Variants in TXNRD2 observed in about 807,000 individuals in gnomAD.
TXNRD2 encodes the protein thioredoxin reductase 2, mitochondrial.
Under a neutral mutation model 70.8 loss-of-function variants are expected in TXNRD2, and 67 were observed. The observed-to-expected ratio is 0.95, with a 90% confidence interval of 0.78 to 1.16. The LOEUF (loss-of-function observed/expected upper bound fraction) is 1.16. Ranked by LOEUF, TXNRD2 falls within the 50% of genes most tolerant of loss-of-function variation. TXNRD2 has a pLI of 0.00. For synonymous variants in TXNRD2, 301 were observed against 295.8 expected (o/e 1.02, Z -0.18); for missense variants, 644 against 719.9 (o/e 0.89, Z 1.21).
Position 19,883,330 on chromosome 22 carries a change from C to T in TXNRD2, c.1081G>A (p.Val361Met). 1.2e-6 allele frequency: 2 copies of T among 1,613,700 alleles called. No homozygotes were observed. Among genetic ancestry groups the T allele is most frequent in the South Asian group, 2.2e-5 (2 of 91,082 alleles). ...VPHIYAIGDV[V>M]EGRPELTPIA... ...TCCCGGGACGCATGCCGTACCTCCA[C>T]CACGTCACCAATGGCGTAGATGTGG... is the stretch of plus-strand genomic sequence containing the variant. The change falls in exon 12 of 18, where the codon GTG becomes ATG. Residue 361 changes from valine to methionine, a missense_variant. Val to Met is a conservative substitution (Grantham distance 21). Transcript: ENST00000400521.
At chr22:19,933,713 C>A (rs902491485) in intron 1 of TXNRD2, among the ~76,000 whole-genome samples, 4 of 152,174 alleles carry the variant, frequency 2.6e-5, no homozygotes, top group African/African-American at 7.2e-5. Context: ...GAAGGAAGGA[C>A]CCCAAAGTAC....
intron 8 of TXNRD2, among the ~76,000 whole-genome samples, chr22:19,901,061 G>T (rs1355972381): frequency 6.6e-6 from 1 of 152,224 alleles, no homozygotes; most frequent in Non-Finnish European, 1.5e-5. Context: ...TGGGGGCCAG[G>T]CTGCTCTCCG....
intron 8 of TXNRD2, among the ~76,000 whole-genome samples, chr22:19,900,404 A>G (rs535140064): frequency 1.3e-5 from 2 of 152,364 alleles, no homozygotes; most frequent in East Asian, 3.9e-4. Context: ...TGGCGAAACC[A>G]AACTCTTTTT....
At chr22:19,915,425 G>T (rs1026408997) in intron 6 of TXNRD2, 149 bp from the exon 7 acceptor site, 1 of 823,602 alleles carries the variant, frequency 1.2e-6, no homozygotes, top group Non-Finnish European at 2.1e-6. Flanking sequence ...AGGCCCTATG[G>T]AGCTGGAATC....
chr22:19,938,643 C>T (rs1419023504), intron 1 of TXNRD2, among the ~76,000 whole-genome samples: 2 of 152,182 alleles, frequency 1.3e-5, no homozygotes, highest in Admixed American at 6.5e-5. Context: ...CAAAAGGGAA[C>T]AATTCAGCCT....
At chr22:19,933,304 G>C in intron 1 of TXNRD2, 1 of 483,378 alleles carries the variant, frequency 2.1e-6, no homozygotes, top group Non-Finnish European at 3.8e-6. Flanking sequence ...TATAAGTCTA[G>C]AGAACCAAGG....
At chr22:19,904,790 C>G (rs1039892997) in intron 8 of TXNRD2, among the ~76,000 whole-genome samples, 3 of 152,166 alleles carry the variant, frequency 2.0e-5, no homozygotes, top group African/African-American at 7.2e-5. Context: ...CACTGTGATG[C>G]CAGGCACCGT....
Position 19,895,568 on chromosome 22 carries a change from A to G in TXNRD2, c.788T>C (p.Met263Thr). The G allele has an allele frequency of 6.2e-7, 1 of 1,612,036 alleles. No homozygotes were observed. Among genetic ancestry groups the G allele is most frequent in the Non-Finnish European group, 8.5e-7 (1 of 1,180,016 alleles). The change falls in exon 11 of 18, where the codon ATG (methionine) becomes ACG (threonine). Residue 263 changes from methionine to threonine, a missense_variant. Met to Thr is a moderately conservative substitution (Grantham distance 81). Transcript: ENST00000400521. Reference sequence around the variant, plus strand: ...ATGAGATGCCATGTGCTCTATGACCATGGAGGACATTTGCTGCAAAGCACA... The same window carrying G: ...ATGAGATGCCATGTGCTCTATGACCGTGGAGGACATTTGCTGCAAAGCACA... ...LRGFDQQMSS[M>T]VIEHMASHGT...
At chr22:19,919,511 A>G (rs1279293043) in intron 3 of TXNRD2, 32 bp downstream of exon 3, 2 of 1,552,160 alleles carry the variant, frequency 1.3e-6, no homozygotes, top group Non-Finnish European at 1.7e-6. Flanking sequence ...CTCCTTCCCC[A>G]GGACACCCGG....
rs541634433 is a variant in TXNRD2, at chr22:19,911,365, C to T, written c.662+12G>A. On this transcript the variant is annotated intron_variant, in intron 8 of 17. Coordinates refer to ENST00000400521, the MANE Select transcript of TXNRD2 (RefSeq NM_006440.5). ...CAAAAAGAGGACCCCACCAAGCACG[C>T]GCAGGCCTTACGTTTTTCCAGGGGA... The T allele has an allele frequency of 3.1e-6, 5 of 1,611,456 alleles. No homozygotes were observed. The African/African-American group carries it at 4.0e-5, about 13-fold the overall frequency.
chr22:19,917,303 G>C (rs1428209784), intron 5 of TXNRD2, among the ~76,000 whole-genome samples: 1 of 152,194 alleles, frequency 6.6e-6, no homozygotes. Context: ...GAGCCCCACA[G>C]AGAAACACAG....
chr22:19,931,506 G>C (rs780402226), intron 1 of TXNRD2, among the ~76,000 whole-genome samples: 1 of 152,072 alleles, frequency 6.6e-6, no homozygotes, highest in African/African-American at 2.4e-5. Flanking sequence ...GAAGGAACAC[G>C]GTCAGCACAG....
At chr22:19,889,906 G>GT (rs1939191202) in intron 11 of TXNRD2, among the ~76,000 whole-genome samples, 1 of 117,766 alleles carries the variant, frequency 8.5e-6, no homozygotes, top group African/African-American at 2.5e-5. Context: ...TCACCATGTT[G>GT]TTCTTTTTTT....
intron 11 of TXNRD2, chr22:19,884,282 G>A (rs1441736624): frequency 6.6e-6 from 1 of 152,330 alleles, no homozygotes; most frequent in Non-Finnish European, 1.5e-5. Context: ...CGGCACAGGA[G>A]ACAAGGCAGG....
intron 8 of TXNRD2, among the ~76,000 whole-genome samples, chr22:19,905,211 C>A (rs534037191): frequency 2.0e-5 from 3 of 152,274 alleles, no homozygotes; most frequent in East Asian, 3.9e-4. Flanking sequence ...TTTAAAAAAA[C>A]CATTTCCTCA....
At chr22:19,878,069 C>A (rs1274275400) in intron 16 of TXNRD2, 21 bp downstream of exon 16, 1 of 1,605,408 alleles carries the variant, frequency 6.2e-7, no homozygotes, top group Non-Finnish European at 8.5e-7. Flanking sequence ...CGCATCGCAG[C>A]CTGCATTCCT....
chr22:19,904,314 C>T (rs556652444), intron 8 of TXNRD2, among the ~76,000 whole-genome samples: 1 of 152,354 alleles, frequency 6.6e-6, no homozygotes, highest in South Asian at 2.1e-4. Flanking sequence ...ACAGGTATGG[C>T]CCCATTTTGC....
intron 1 of TXNRD2, chr22:19,933,575 G>A: frequency 8.2e-7 from 1 of 1,224,788 alleles, no homozygotes; most frequent in Non-Finnish European, 1.1e-6. Context: ...CTTATCTTGG[G>A]CAGCTTGCTC....
chr22:19,915,745 C>A lies in TXNRD2; in HGVS notation c.528+20G>T. The A allele has an allele frequency of 1.2e-6, 2 of 1,613,496 alleles. No homozygotes were observed. The highest frequency in any genetic ancestry group is 1.7e-6 in the Non-Finnish European group (2 of 1,179,404). On this transcript the variant is annotated intron_variant, in intron 6 of 17. Transcript: ENST00000400521. ...GCAGAAGGGTCCACAAGGAGCCACG[C>A]GAGTAAGTCAGATGCTCACCTCTTT...
Sources: allele counts gnomAD v4.1 joint callset (sites outside exome capture counted in the v4.1 genomes callset), GRCh38; gene constraint gnomAD v4.1.1; transcripts MANE v1.5; gene names NCBI Gene and HGNC (gene_info 2026-07-23, HGNC 2026-07-21).